Variants in LEPR observed in about 807,000 individuals in gnomAD.
The protein encoded by LEPR is OB receptor.
A neutral mutation model predicts 114.7 loss-of-function variants in LEPR; 56 were observed. That is an observed-to-expected ratio of 0.49 (90% CI 0.39 to 0.61). The LOEUF (loss-of-function observed/expected upper bound fraction) is 0.61, where lower values mean the gene tolerates loss of function less well. LEPR is among the 20% of genes least tolerant of loss of function. LEPR has a pLI of 0.00. For synonymous variants in LEPR, 443 were observed against 461.4 expected, an observed-to-expected ratio of 0.96 and a Z score of 0.51; for missense variants, 1,202 against 1,352.9, an observed-to-expected ratio of 0.89 and a Z score of 1.75.
intron 4 of LEPR, 29 bp from the exon 5 acceptor site, chr1:65,572,297 T>TTTTG (rs770398190): frequency 3.6e-6 from 5 of 1,399,960 alleles, no homozygotes; most frequent in South Asian, 1.4e-5. Flanking sequence ...GTTGTTTTTT[T>TTTTG]TTTTTTTTTT....
At chr1:65,498,787 A>G (rs189065855) in intron 2 of LEPR, among the ~76,000 whole-genome samples, 1 of 152,264 alleles carries the variant, frequency 6.6e-6, no homozygotes, top group East Asian at 1.9e-4. Flanking sequence ...GCTTGACTCC[A>G]TAATATTTTA....
intron 2 of LEPR, among the ~76,000 whole-genome samples, chr1:65,463,410 G>C (rs1277206738): frequency 6.6e-6 from 1 of 152,202 alleles, no homozygotes; most frequent in Admixed American, 6.5e-5. Flanking sequence ...GTACCATGCT[G>C]TTTTGGTTAG....
chr1:65,612,538 C>A (rs1421082128), intron 14 of LEPR, among the ~76,000 whole-genome samples: 1 of 152,014 alleles, frequency 6.6e-6, no homozygotes, highest in East Asian at 1.9e-4. Context: ...TTTTTATGAA[C>A]TTGACACAAT....
chr1:65,558,539 TTTTTTTTTTG>T (rs1318523748), intron 2 of LEPR, among the ~76,000 whole-genome samples: 5 of 36,194 alleles, frequency 1.4e-4, no homozygotes, highest in Admixed American at 3.4e-4. Flanking sequence ...TTTTTTTTTG[TTTTTTTTTTG>T]TTTTTTTTTT....
chr1:65,567,627 C>A (rs947110326), intron 3 of LEPR, among the ~76,000 whole-genome samples: 2 of 152,110 alleles, frequency 1.3e-5, no homozygotes, highest in African/African-American at 4.8e-5. Flanking sequence ...TCTTTAGAAA[C>A]CAAACTATTA....
rs573690773 is a variant in LEPR, at chr1:65,466,119, G to T, written c.-21+40741G>T. On this transcript the variant is annotated intron_variant, in intron 2 of 19. Coordinates refer to ENST00000349533, the MANE Select transcript of LEPR (RefSeq NM_002303.6). ...TTAATTGATGCAGTTTCTTCATAGT[G>T]TCCTTGGTCTTTACCATTTGGCATG... Among the ~76,000 whole-genome samples, 3 of 152,200 alleles carry T rather than the reference G, an allele frequency of 2.0e-5. 1 individual carries two copies. The highest frequency in any genetic ancestry group is 1.3e-4 in the Admixed American group (2 of 15,276).
intron 2 of LEPR, among the ~76,000 whole-genome samples, chr1:65,449,197 A>G (rs1646749152): frequency 6.6e-6 from 1 of 151,674 alleles, no homozygotes. Flanking sequence ...TGATATTAGG[A>G]ATTTGTGTCA....
At chr1:65,621,533 A>T (rs1357893447) in intron 18 of LEPR, 75 bp downstream of exon 18, 1 of 1,259,064 alleles carries the variant, frequency 7.9e-7, no homozygotes, top group Non-Finnish European at 1.1e-6. Context: ...AAAACCTTCT[A>T]AATTAGGAAT....
At chr1:65,456,994 A>T (rs1646885129) in intron 2 of LEPR, among the ~76,000 whole-genome samples, 1 of 152,140 alleles carries the variant, frequency 6.6e-6, no homozygotes, top group Non-Finnish European at 1.5e-5. Flanking sequence ...TTATTTAAAC[A>T]TTTTTTAGTG....
rs527949023 is a variant in LEPR, at chr1:65,447,432, A to G, written c.-21+22054A>G. Among the ~76,000 whole-genome samples the G allele has an allele frequency of 2.2e-4, 33 of 151,706 alleles. 1 individual carries two copies. In the South Asian group the frequency reaches 6.4e-3, roughly 30 times the overall value. ...ATTTGATTTCTTTCATTAGAGTTCT[A>G]TAGTTTTCCTCATATAGATCTTGTA... On this transcript the variant is annotated intron_variant, in intron 2 of 19. Coordinates refer to ENST00000349533, the MANE Select transcript of LEPR (RefSeq NM_002303.6).
At chr1:65,469,329 G>C (rs1570510732) in intron 2 of LEPR, among the ~76,000 whole-genome samples, 1 of 152,160 alleles carries the variant, frequency 6.6e-6, no homozygotes, top group East Asian at 1.9e-4. Context: ...GGAGAACAAA[G>C]AGCTAAGAGC....
intron 2 of LEPR, among the ~76,000 whole-genome samples, chr1:65,546,806 C>T (rs1294891620): frequency 1.3e-5 from 2 of 152,162 alleles, no homozygotes; most frequent in African/African-American, 4.8e-5. Context: ...TTATTTCCTT[C>T]TCCTGCCTAA....
chr1:65,440,000 C>CAAAAAAAAAAAAAA (rs550347312), intron 2 of LEPR, among the ~76,000 whole-genome samples: 5 of 58,140 alleles, frequency 8.6e-5, no homozygotes, highest in Non-Finnish European at 1.2e-4. Flanking sequence ...GATTCTGTCT[C>CAAAAAAAAAAAAAA]AAAAAAAAAA....
At position 65,619,945 on chromosome 1, in the gene LEPR, G is replaced by A; in HGVS notation, c.2413G>A (p.Glu805Lys). Reference protein sequence around the residue: ...YYIHDHFIPIEKYQFSLYPIF... With the variant: ...YYIHDHFIPIKKYQFSLYPIF... ...CTCCTCAGATCATTTTATCCCCATT[G>A]AGAAGTACCAGTTCAGTCTTTACCC... The change falls in exon 17 of 20, where the codon GAG becomes AAG. Residue 805 changes from glutamate (E) to lysine (K), a missense_variant. Transcript: ENST00000349533. The A allele has an allele frequency of 1.9e-6, 3 of 1,612,168 alleles. No homozygotes were observed. The highest frequency in any genetic ancestry group is 2.5e-6 in the Non-Finnish European group (3 of 1,178,678).
At chr1:65,605,982 C>A (rs962136732) in intron 11 of LEPR, among the ~76,000 whole-genome samples, 1 of 151,912 alleles carries the variant, frequency 6.6e-6, no homozygotes, top group Non-Finnish European at 1.5e-5. Context: ...GTGAATTTTC[C>A]CCTCAAATAA....
At chr1:65,472,729 A>G (rs2100420232) in intron 2 of LEPR, among the ~76,000 whole-genome samples, 1 of 152,118 alleles carries the variant, frequency 6.6e-6, no homozygotes, top group Admixed American at 6.6e-5. Context: ...AAGAGTGTGC[A>G]CCAACCTGGG....
In LEPR at chr1:65,611,693, A is replaced by G. The variant is rs558909383; in HGVS notation, c.1995+1397A>G. 7.9e-5 allele frequency among the ~76,000 whole-genome samples: 12 copies of G among 152,308 alleles called. 1 individual carries two copies. The East Asian group carries it at 1.7e-3, about 22-fold the overall frequency. On this transcript the variant is annotated intron_variant, in intron 14 of 19. Transcript: ENST00000349533. Reference sequence around the variant, plus strand: ...ACAGTTCTTATGTTTTCCTCATATCATGGATTCCACATTTCCTCAGCAATG... The same window carrying G: ...ACAGTTCTTATGTTTTCCTCATATCGTGGATTCCACATTTCCTCAGCAATG...
chr1:65,507,495 GTGTGTATATATATATACATATATA>G (rs1469449232), intron 2 of LEPR, among the ~76,000 whole-genome samples: 55 of 139,562 alleles, frequency 3.9e-4, no homozygotes, highest in Non-Finnish European at 5.9e-4. Context: ...GTATATATGT[GTGTGTATATATATATACATATATA>G]TGTGTATATA....
chr1:65,506,226 A>AAGTT (rs1332613150), intron 2 of LEPR, among the ~76,000 whole-genome samples: 1 of 152,170 alleles, frequency 6.6e-6, no homozygotes, highest in Non-Finnish European at 1.5e-5. Context: ...GTAGACACTC[A>AAGTT]AGTTACCGGG....
Sources: allele counts gnomAD v4.1 joint callset (sites outside exome capture counted in the v4.1 genomes callset), GRCh38; gene constraint gnomAD v4.1.1; transcripts MANE v1.5; gene names NCBI Gene and HGNC (gene_info 2026-07-23, HGNC 2026-07-21).